Variants in NOMO2 observed in about 807,000 individuals in gnomAD.
The protein encoded by NOMO2 is NODAL modulator 2.
A neutral mutation model predicts 67.1 loss-of-function variants in NOMO2; 14 were observed. The observed-to-expected ratio is 0.21, with a 90% CI of 0.14 to 0.33. The LOEUF (loss-of-function observed/expected upper bound fraction) is 0.33. Among genes scored for constraint, NOMO2 ranks in the 10% least tolerant of loss-of-function variants. NOMO2 has a pLI of 1.00. For missense variants in NOMO2, 178 were observed against 761.0 expected, an observed-to-expected ratio of 0.23 and a Z score of 9.01; for synonymous variants, 80 against 305.9, an observed-to-expected ratio of 0.26 and a Z score of 7.71.
intron 1 of NOMO2, chr16:18,558,681 T>C (rs938377888): frequency 2.9e-5 from 9 of 314,424 alleles, no homozygotes; most frequent in African/African-American, 1.5e-4. Flanking sequence ...TCTTACATTC[T>C]GAGCATTACC....
intron 5 of NOMO2, among the ~76,000 whole-genome samples, chr16:18,547,610 A>G (rs1014835427): frequency 3.9e-5 from 6 of 152,010 alleles, no homozygotes; most frequent in Non-Finnish European, 8.8e-5. Flanking sequence ...GGGACCAGTC[A>G]CAGAACATTC....
intron 2 of NOMO2, among the ~76,000 whole-genome samples, chr16:18,556,591 G>T (rs367821210): frequency 3.3e-5 from 5 of 151,874 alleles, no homozygotes; most frequent in East Asian, 3.9e-4. Context: ...GATTTCATTT[G>T]TATTAAAAAA....
intron 11 of NOMO2, among the ~76,000 whole-genome samples, chr16:18,536,777 A>G (rs1055858297): frequency 6.6e-6 from 1 of 152,194 alleles, no homozygotes; most frequent in Non-Finnish European, 1.5e-5. Flanking sequence ...TAATTGCACA[A>G]AGTGTTTATG....
At chr16:18,556,841 G>A (rs982319338) in intron 2 of NOMO2, among the ~76,000 whole-genome samples, 15 of 151,996 alleles carry the variant, frequency 9.9e-5, no homozygotes, top group Non-Finnish European at 2.2e-4. Flanking sequence ...AATTTTATAA[G>A]AGGGCCGGAA....
intron 12 of NOMO2, among the ~76,000 whole-genome samples, chr16:18,531,872 A>G (rs1177203908): frequency 1.1e-4 from 17 of 151,258 alleles, no homozygotes; most frequent in African/African-American, 2.2e-4. Flanking sequence ...ACAGGCCCGC[A>G]ACGCGGACAC....
chr16:18,528,491 T>C (rs1413764456), intron 15 of NOMO2, among the ~76,000 whole-genome samples: 1 of 151,908 alleles, frequency 6.6e-6, no homozygotes, highest in African/African-American at 2.4e-5. Context: ...AACTAAGACC[T>C]GACGATGACA....
intron 1 of NOMO2, among the ~76,000 whole-genome samples, chr16:18,559,591 C>T (rs934401338): frequency 3.3e-5 from 5 of 152,000 alleles, no homozygotes; most frequent in Admixed American, 6.6e-5. Flanking sequence ...TCCCCAGTGC[C>T]TGAGACAGTG....
At chr16:18,553,328 T>G (rs1483211519) in intron 3 of NOMO2, among the ~76,000 whole-genome samples, 1 of 151,684 alleles carries the variant, frequency 6.6e-6, no homozygotes, top group East Asian at 1.9e-4. Flanking sequence ...TTTATATTTA[T>G]GCATCAGAAT....
intron 15 of NOMO2, among the ~76,000 whole-genome samples, chr16:18,528,984 AAAAAATACAT>A (rs1901221045): frequency 1.0e-5 from 1 of 97,254 alleles, no homozygotes; most frequent in African/African-American, 3.7e-5. Flanking sequence ...AAAAAAAAAA[AAAAAATACAT>A]ATATATATAT....
chr16:18,561,886 G>T lies in NOMO2; in HGVS notation c.155C>A (p.Ser52Ter), dbSNP rs1381204075. ...GGGGCGGGCGCTCACCTCGATGAGC[G>T]AGTAGTTGATCTCCACGTCCGACTT... ...FVKSDVEINY[S>*]LIEIKLYTKH... Residue 52 changes from serine (S) to a stop codon, truncating the protein, a stop_gained, in exon 1 of 31, where the codon TCG (serine) becomes TAG (stop). Coordinates refer to ENST00000622306, the MANE Select transcript of NOMO2 (RefSeq NM_173614.4). LOFTEE classifies it high-confidence loss of function. 5.1e-6 allele frequency: 8 copies of T among 1,563,522 alleles called. No homozygotes were observed. The highest frequency in any genetic ancestry group is 6.1e-6 in the Non-Finnish European group (7 of 1,156,790).
At chr16:18,527,230 G>GA (rs996696715) in intron 16 of NOMO2, among the ~76,000 whole-genome samples, 36 of 144,140 alleles carry the variant, frequency 2.5e-4, no homozygotes, top group East Asian at 1.0e-3. Context: ...AAAAAAAAGA[G>GA]AAAAAAAAAT....
At chr16:18,558,937 C>G (rs1419090011) in intron 1 of NOMO2, 1 of 448,584 alleles carries the variant, frequency 2.2e-6, no homozygotes, top group Non-Finnish European at 4.5e-6. Context: ...TTTGGGAGGC[C>G]AAAGAAGGAG....
At position 18,526,914 on chromosome 16, in the gene NOMO2, T is replaced by G. The variant is rs111349269; in HGVS notation, c.1894+623A>C. ...TATGCAAATTCTGCCTCCAAAAAAA[T>G]CCATTATAAAAGAGAGAGAAGGTTG... On this transcript the variant is annotated intron_variant, in intron 16 of 30. Coordinates refer to ENST00000622306, the MANE Select transcript of NOMO2 (RefSeq NM_173614.4). Among the ~76,000 whole-genome samples the G allele has an allele frequency of 8.4e-3, 1,279 of 151,678 alleles. 12 individuals carry two copies. Among genetic ancestry groups the G allele is most frequent in the Middle Eastern group, 0.014 (4 of 294 alleles).
At chr16:18,557,144 A>AG (rs1367646683) in intron 2 of NOMO2, among the ~76,000 whole-genome samples, 1 of 152,014 alleles carries the variant, frequency 6.6e-6, no homozygotes, top group Admixed American at 6.6e-5. Context: ...GAAAAAAAAA[A>AG]CAACAAAAAA....
chr16:18,529,816 T>C (rs1359281785), intron 14 of NOMO2, among the ~76,000 whole-genome samples, 179 bp from the exon 15 acceptor site: 1 of 150,852 alleles, frequency 6.6e-6, no homozygotes, highest in African/African-American at 2.4e-5. Flanking sequence ...AATAAATTAC[T>C]GCTAAAGAAA....
chr16:18,545,509 G>A (rs1381481143), intron 6 of NOMO2, among the ~76,000 whole-genome samples: 2 of 150,820 alleles, frequency 1.3e-5, no homozygotes, highest in Non-Finnish European at 3.0e-5. Flanking sequence ...TTATAAGTGC[G>A]TAAAACCTAC....
intron 3 of NOMO2, among the ~76,000 whole-genome samples, chr16:18,554,331 A>T (rs2141755441): frequency 6.6e-6 from 1 of 152,034 alleles, no homozygotes; most frequent in East Asian, 1.9e-4. Context: ...TAACTTGCCC[A>T]AAGTTATTTA....
At chr16:18,558,915 T>G (rs1440378136) in intron 1 of NOMO2, 1 of 453,144 alleles carries the variant, frequency 2.2e-6, no homozygotes, top group African/African-American at 2.0e-5. Context: ...CTCATGCCTG[T>G]AATCCCAGCA....
chr16:18,536,086 A>C (rs139467777), intron 11 of NOMO2, among the ~76,000 whole-genome samples: 460 of 151,782 alleles, frequency 3.0e-3, no homozygotes, highest in African/African-American at 0.01. Flanking sequence ...GTGAGCCACC[A>C]TGCCCGGCCA....
Sources: allele counts gnomAD v4.1 joint callset (sites outside exome capture counted in the v4.1 genomes callset), GRCh38; gene constraint gnomAD v4.1.1; transcripts MANE v1.5; gene names NCBI Gene and HGNC (gene_info 2026-07-23, HGNC 2026-07-21).